GNAI1: variants seen among roughly 807,000 people sequenced by gnomAD.
GNAI1 encodes G protein subunit alpha i1, also known as guanine nucleotide-binding protein G(i) subunit alpha-1.
In GNAI1, 11 loss-of-function variants were observed where a neutral mutation model predicts 38.9. The ratio of observed to expected loss-of-function variants is 0.28; its 90% CI spans 0.18 to 0.47. GNAI1 has a LOEUF of 0.47. Ranked by LOEUF, GNAI1 falls within the 20% of genes least tolerant of loss-of-function variation. GNAI1 has a pLI of 0.99. For missense variants in GNAI1, 317 were observed against 436.9 expected (o/e 0.73, Z 2.45); for synonymous variants, 166 against 145.1 (o/e 1.14, Z -1.04).
At chr7:80,206,246 T>C (rs1788775024) in intron 5 of GNAI1, among the ~76,000 whole-genome samples, 1 of 152,110 alleles carries the variant, frequency 6.6e-6, no homozygotes, top group Non-Finnish European at 1.5e-5. Context: ...ATTGACCTGC[T>C]TTCTTAAACA....
chr7:80,213,447 T>C (rs1054474259), intron 7 of GNAI1, among the ~76,000 whole-genome samples: 1 of 152,190 alleles, frequency 6.6e-6, no homozygotes, highest in African/African-American at 2.4e-5. Context: ...TGAAGTACAG[T>C]CCTGACTTTT....
chr7:80,222,983 C>T lies in GNAI1; in HGVS notation c.*5490C>T, dbSNP rs941939508. Among the ~76,000 whole-genome samples the T allele has an allele frequency of 2.0e-5, 3 of 152,170 alleles. No individual in the cohort carries two copies. The highest frequency in any genetic ancestry group is 7.2e-5 in the African/African-American group (3 of 41,446). ...ATTAGCATACAGTTGGACAAGATAG[C>T]ATAAAGCCTATTTTACAATAAAGGA... On this transcript the variant is annotated 3_prime_UTR_variant, in exon 8 of 8. Coordinates refer to ENST00000649796, the MANE Select transcript of GNAI1 (RefSeq NM_002069.6).
At chr7:80,140,463 C>G (rs867189833) in intron 1 of GNAI1, among the ~76,000 whole-genome samples, 1 of 152,194 alleles carries the variant, frequency 6.6e-6, no homozygotes, top group Non-Finnish European at 1.5e-5. Context: ...ACATGTCTAA[C>G]TGCCTTGGAA....
intron 3 of GNAI1, among the ~76,000 whole-genome samples, chr7:80,198,010 A>C (rs1000374734): frequency 6.6e-6 from 1 of 152,040 alleles, no homozygotes; most frequent in African/African-American, 2.4e-5. Context: ...TTAAAGCTAC[A>C]TATCTCAAGT....
In GNAI1 at chr7:80,159,479, G is replaced by GA. The variant is rs139809903; in HGVS notation, c.118+24208dup. ...ATATTTTCATTTACTGTCTTTTTTT[G>GA]AAAAAAAGTGTGATTGACACATAAT... On this transcript the variant is annotated intron_variant, in intron 1 of 7. Transcript: ENST00000649796. Among the ~76,000 whole-genome samples the GA allele has an allele frequency of 6.2e-3, 937 of 151,354 alleles. 16 individuals carry two copies. In the East Asian group the frequency reaches 0.075, roughly 12 times the overall value.
rs1277094732 is a variant in GNAI1, at chr7:80,135,133, G to A, written c.-28G>A. On this transcript the variant is annotated 5_prime_UTR_variant, in exon 1 of 8. Transcript: ENST00000649796. ...GAGCCCGCACTCGGGCGCGGAGGGA[G>A]CGGCGGCAGGCTCTCGCTTTCGGCA... The A allele has an allele frequency of 6.3e-6, 9 of 1,435,190 alleles. No homozygotes were observed. The South Asian group carries it at 1.2e-4, about 19-fold the overall frequency. The allele number at this position is 1,435,190 out of a possible 1,614,324, so 88.9% of individuals were successfully genotyped here. A position where few individuals can be genotyped will look rare whatever the true frequency, so the allele number is the denominator to read the frequency against.
In GNAI1 at chr7:80,217,580, A is replaced by C; in HGVS notation, c.*87A>C. 1.4e-6 allele frequency: 1 copy of C among 697,024 alleles called. No individual in the cohort carries two copies. The highest frequency in any genetic ancestry group is 2.3e-6 in the Non-Finnish European group (1 of 437,414). 43.2% of individuals were successfully genotyped at this position (697,024 alleles called of 1,614,324 possible). On this transcript the variant is annotated 3_prime_UTR_variant, in exon 8 of 8. Coordinates refer to ENST00000649796, the MANE Select transcript of GNAI1 (RefSeq NM_002069.6). ...GTAGACTAGAGTCTTGCAGCAACAC[A>C]GAATGTAATATAAGGCAAATGCATC...
At chr7:80,171,499 A>C (rs928487170) in intron 1 of GNAI1, among the ~76,000 whole-genome samples, 9 of 152,182 alleles carry the variant, frequency 5.9e-5, no homozygotes, top group Non-Finnish European at 1.0e-4. Context: ...CTATGGCCAG[A>C]ATGTATGAAG....
At chr7:80,149,522 C>G (rs1471924460) in intron 1 of GNAI1, among the ~76,000 whole-genome samples, 3 of 152,038 alleles carry the variant, frequency 2.0e-5, no homozygotes, top group Non-Finnish European at 2.9e-5. Context: ...ATTATCTGCA[C>G]TAACTTGATG....
intron 1 of GNAI1, among the ~76,000 whole-genome samples, chr7:80,144,072 C>T (rs941952397): frequency 4.6e-5 from 7 of 152,074 alleles, no homozygotes; most frequent in Non-Finnish European, 8.8e-5. Flanking sequence ...TTAACAGCCT[C>T]CTTACTGGGG....
intron 1 of GNAI1, among the ~76,000 whole-genome samples, chr7:80,149,001 G>T (rs1787678831): frequency 6.6e-6 from 1 of 151,882 alleles, no homozygotes; most frequent in South Asian, 2.1e-4. Context: ...TATAGGAATT[G>T]CTTTCTTTTG....
chr7:80,195,203 T>A (rs1445957828), intron 3 of GNAI1, among the ~76,000 whole-genome samples: 2 of 151,844 alleles, frequency 1.3e-5, no homozygotes, highest in Non-Finnish European at 2.9e-5. Flanking sequence ...TTTATAAATT[T>A]GTATATTTAT....
chr7:80,175,596 C>T lies in GNAI1; in HGVS notation c.119-13355C>T, dbSNP rs1417675767. Among the ~76,000 whole-genome samples the T allele has an allele frequency of 4.6e-5, 7 of 150,698 alleles. No homozygotes were observed. The East Asian group carries it at 9.7e-4, about 21-fold the overall frequency. ...AACAAATTGAAGGTTTGTGGCCACCCTGCATCCAGCAAGTCTGTCAACACC... is the reference window on the plus strand; with the variant it reads ...AACAAATTGAAGGTTTGTGGCCACCTTGCATCCAGCAAGTCTGTCAACACC... On this transcript the variant is annotated intron_variant, in intron 1 of 7. Coordinates refer to ENST00000649796, the MANE Select transcript of GNAI1 (RefSeq NM_002069.6).
intron 1 of GNAI1, among the ~76,000 whole-genome samples, chr7:80,185,324 A>G (rs1788368987): frequency 6.6e-6 from 1 of 152,140 alleles, no homozygotes; most frequent in Admixed American, 6.5e-5. Context: ...TTGTTCCTAT[A>G]GATAGTATTT....
intron 1 of GNAI1, among the ~76,000 whole-genome samples, chr7:80,159,890 G>A (rs889709740): frequency 9.9e-5 from 15 of 151,920 alleles, no homozygotes; most frequent in African/African-American, 3.4e-4. Context: ...TAGGGATTGC[G>A]TGAGGATTAG....
chr7:80,224,694 A>C lies in GNAI1; in HGVS notation c.*7201A>C, dbSNP rs1789130822. Among the ~76,000 whole-genome samples, 1 of 152,116 alleles carries C rather than the reference A, an allele frequency of 6.6e-6. No individual in the cohort carries two copies. The highest frequency in any genetic ancestry group is 1.5e-5 in the Non-Finnish European group (1 of 68,032). On this transcript the variant is annotated 3_prime_UTR_variant, in exon 8 of 8. Transcript: ENST00000649796. ...TGTGTTAACCCTCCATTTCACAAAC[A>C]TAGGAACTGCACAGACACAGCAGCC...
intron 7 of GNAI1, among the ~76,000 whole-genome samples, chr7:80,213,671 G>A (rs1788910907): frequency 6.6e-6 from 1 of 152,040 alleles, no homozygotes; most frequent in Admixed American, 6.5e-5. Context: ...TTTCATTAAA[G>A]CAGAGTAACT....
intron 1 of GNAI1, among the ~76,000 whole-genome samples, chr7:80,151,338 C>T (rs754092032): frequency 1.3e-5 from 2 of 151,490 alleles, no homozygotes; most frequent in African/African-American, 2.4e-5. Flanking sequence ...CTTCAATATA[C>T]AAAACTATGA....
At chr7:80,146,371 A>G (rs1787623164) in intron 1 of GNAI1, among the ~76,000 whole-genome samples, 1 of 152,124 alleles carries the variant, frequency 6.6e-6, no homozygotes. Flanking sequence ...TTCTCCCATT[A>G]TTCATGTAAA....
Sources: gnomAD v4.1 joint callset for allele counts (sites outside exome capture counted in the v4.1 genomes callset) on GRCh38, gnomAD v4.1.1 for gene constraint, MANE v1.5 for transcripts, NCBI Gene and HGNC (gene_info 2026-07-23, HGNC 2026-07-21) for gene names.